PGBD1: variants seen among roughly 807,000 people sequenced by gnomAD.
The protein encoded by PGBD1 is piggyBac transposable element derived 1, also known as piggyBac transposable element-derived protein 1.
Under a neutral mutation model 34.7 loss-of-function variants are expected in PGBD1, and 25 were observed. That is an observed-to-expected ratio of 0.72 (90% CI 0.52 to 1.00). The LOEUF (loss-of-function observed/expected upper bound fraction) is 1.00. PGBD1 is among the 50% of genes least tolerant of loss of function. PGBD1 has a pLI of 0.00. For synonymous variants in PGBD1, 292 were observed against 335.7 expected, an observed-to-expected ratio of 0.87 and a Z score of 1.42; for missense variants, 830 against 959.4, an observed-to-expected ratio of 0.87 and a Z score of 1.78.
At chr6:28,296,368 ACAATC>A (rs1279358353) in intron 4 of PGBD1, among the ~76,000 whole-genome samples, 1 of 152,196 alleles carries the variant, frequency 6.6e-6, no homozygotes, top group African/African-American at 2.4e-5. Context: ...AGTGTGTAGA[ACAATC>A]CAAGTGAGTC....
Position 28,302,069 on chromosome 6 carries a change from G to A in PGBD1, c.2215G>A (p.Val739Ile), listed in dbSNP as rs759709278. 5 of 1,614,116 alleles carry A rather than the reference G, an allele frequency of 3.1e-6. No homozygotes were observed. Among genetic ancestry groups the A allele is most frequent in the South Asian group, 1.1e-5 (1 of 91,082 alleles). Residue 739 changes from valine to isoleucine, a missense_variant, in exon 7 of 7, where the codon GTA becomes ATA. Transcript: ENST00000682144. ...AGTGTATGATGAATGCAAGGAAGGT[G>A]TAGCTAAAATGGATCAAATTATTTC... is the stretch of plus-strand genomic sequence containing the variant. ...VKVYDECKEG[V>I]AKMDQIISKY...
chr6:28,291,550 C>G (rs371709918), intron 4 of PGBD1, among the ~76,000 whole-genome samples: 2 of 120,620 alleles, frequency 1.7e-5, no homozygotes, highest in Admixed American at 1.6e-4. Context: ...TCAAATTCTT[C>G]AAAAAAAAAA....
chr6:28,298,498 T>C lies in PGBD1; in HGVS notation c.869+507T>C, dbSNP rs372778378. Among the ~76,000 whole-genome samples, 297 of 152,206 alleles carry C rather than the reference T, an allele frequency of 2.0e-3. 1 individual carries two copies. The highest frequency in any genetic ancestry group is 5.4e-3 in the African/African-American group (224 of 41,544). On this transcript the variant is annotated intron_variant, in intron 6 of 6. Transcript: ENST00000682144. Reference sequence around the variant, plus strand: ...TTGGAGCATTTTGGATTTTGGATCTTTGGTTAGGGATGCCCAACTGGTATA... The same window carrying C: ...TTGGAGCATTTTGGATTTTGGATCTCTGGTTAGGGATGCCCAACTGGTATA...
chr6:28,294,663 A>G (rs1207800568), intron 4 of PGBD1, among the ~76,000 whole-genome samples: 1 of 152,250 alleles, frequency 6.6e-6, no homozygotes, highest in African/African-American at 2.4e-5. Flanking sequence ...CAAAGCCTGG[A>G]TGATAGCACA....
In PGBD1 at chr6:28,300,363, G is replaced by A. The variant is rs139212408; in HGVS notation, c.870-361G>A. ...AGAGCTAAATAGGCTTGTACTGGCAGAGGAGGAGTGTAGCAGATGTCCCTC... is the reference window on the plus strand; with the variant it reads ...AGAGCTAAATAGGCTTGTACTGGCAAAGGAGGAGTGTAGCAGATGTCCCTC... On this transcript the variant is annotated intron_variant, in intron 6 of 6. Coordinates refer to ENST00000682144, the MANE Select transcript of PGBD1 (RefSeq NM_032507.4). The surrounding 1 kb of genome is among the most constrained non-coding windows in gnomAD (Gnocchi z 4.0). Among the ~76,000 whole-genome samples the A allele has an allele frequency of 6.6e-6, 1 of 152,334 alleles. No homozygotes were observed. Among genetic ancestry groups the A allele is most frequent in the African/African-American group, 2.4e-5 (1 of 41,574 alleles).
Position 28,300,707 on chromosome 6 carries a change from C to CTTTTT in PGBD1, c.870-14_870-10dup. 6.4e-7 allele frequency: 1 copy of CTTTTT among 1,570,124 alleles called. No homozygotes were observed. The highest frequency in any genetic ancestry group is 1.9e-5 in the Admixed American group (1 of 51,898). On this transcript the variant is annotated splice_polypyrimidine_tract_variant and intron_variant, in intron 6 of 6. Transcript: ENST00000682144. The surrounding 1 kb of genome is among the most constrained non-coding windows in gnomAD (Gnocchi z 4.0). ...TGATTGAGGATTTTTATAACATGTT[C>CTTTTT]TTTTTTTCTTTCCCAGAGAGTGTGC...
At chr6:28,286,765 C>T (rs1346174174) in intron 3 of PGBD1, among the ~76,000 whole-genome samples, 1 of 152,050 alleles carries the variant, frequency 6.6e-6, no homozygotes, top group African/African-American at 2.4e-5. Context: ...TCCTTTATCA[C>T]CAGCTTCTTC....
chr6:28,297,242 A>G (rs1163499369), intron 5 of PGBD1, among the ~76,000 whole-genome samples: 1 of 152,110 alleles, frequency 6.6e-6, no homozygotes, highest in East Asian at 1.9e-4. Context: ...TTCCCTGTCA[A>G]GGATTCCATA....
intron 3 of PGBD1, among the ~76,000 whole-genome samples, chr6:28,286,776 C>G (rs1276150884): frequency 2.0e-5 from 3 of 152,006 alleles, no homozygotes; most frequent in African/African-American, 7.3e-5. Context: ...CAGCTTCTTC[C>G]TCCCCTTTAT....
intron 2 of PGBD1, among the ~76,000 whole-genome samples, chr6:28,284,930 A>T (rs955820871): frequency 2.0e-5 from 3 of 152,172 alleles, no homozygotes; most frequent in Non-Finnish European, 2.9e-5. Flanking sequence ...CTTAGTCCTT[A>T]TTCATATTTT....
chr6:28,300,000 C>CAAAAA (rs776417092), intron 6 of PGBD1, among the ~76,000 whole-genome samples: 2 of 85,044 alleles, frequency 2.4e-5, no homozygotes. Context: ...GACTCTGTCT[C>CAAAAA]AAAAAAAAAA....
rs781057042 is a variant in PGBD1 at position 28,302,308 on chromosome 6, A to C, written c.*24A>C. 6.3e-7 allele frequency: 1 copy of C among 1,582,956 alleles called. No individual in the cohort carries two copies. Among genetic ancestry groups the C allele is most frequent in the Non-Finnish European group, 8.6e-7 (1 of 1,163,162 alleles). On this transcript the variant is annotated 3_prime_UTR_variant, in exon 7 of 7. Transcript: ENST00000682144. ...AGGGTACATAAAATGGACATAGTGC[A>C]GACATTAATAAGACATAGAAAAATA...
chr6:28,298,577 C>T (rs1448804279), intron 6 of PGBD1, among the ~76,000 whole-genome samples: 2 of 151,906 alleles, frequency 1.3e-5, no homozygotes, highest in South Asian at 2.1e-4. Flanking sequence ...TCTTCTGACC[C>T]CAAGCATTTC....
rs1762655739 is a variant in PGBD1, at chr6:28,296,873, C to T, written c.700C>T (p.His234Tyr). The change falls in exon 5 of 7, where the codon CAT becomes TAT. Residue 234 changes from histidine (H) to tyrosine (Y), a missense_variant. This residue lies in a region of PGBD1 where 457 missense variants were observed against 515.4 expected (regional missense o/e 0.89). Coordinates refer to ENST00000682144, the MANE Select transcript of PGBD1 (RefSeq NM_032507.4). ...AQAVAAEKWS[H>Y]LSLTRRNLCG... Reference sequence around the variant, plus strand: ...GGCCGTTGCTGCAGAGAAGTGGTCACATCTGAGTCTGACTCGGAGGAACCT... The same window carrying T: ...GGCCGTTGCTGCAGAGAAGTGGTCATATCTGAGTCTGACTCGGAGGAACCT... 6.2e-7 allele frequency: 1 copy of T among 1,614,174 alleles called. No homozygotes were observed. The highest frequency in any genetic ancestry group is 8.5e-7 in the Non-Finnish European group (1 of 1,179,996).
intron 4 of PGBD1, among the ~76,000 whole-genome samples, chr6:28,294,661 G>A (rs1762573921): frequency 6.6e-6 from 1 of 152,146 alleles, no homozygotes; most frequent in Non-Finnish European, 1.5e-5. Context: ...AACAAAGCCT[G>A]GATGATAGCA....
rs1267628765 is a variant in PGBD1 at position 28,300,015 on chromosome 6, AC to A, written c.870-708del. On this transcript the variant is annotated intron_variant, in intron 6 of 6. Transcript: ENST00000682144. The surrounding 1 kb of genome is among the most constrained non-coding windows in gnomAD (Gnocchi z 4.0). The stretch of plus-strand genomic sequence containing the variant: ...GACTCTGTCTCAAAAAAAAAAAAAA[AC>A]AAAACAAAACTTTTCATCTTTGTAA... Among the ~76,000 whole-genome samples the A allele has an allele frequency of 4.0e-5, 6 of 151,664 alleles. No homozygotes were observed. Among genetic ancestry groups the A allele is most frequent in the African/African-American group, 1.2e-4 (5 of 41,338 alleles).
intron 4 of PGBD1, among the ~76,000 whole-genome samples, chr6:28,291,666 C>A (rs1199899942): frequency 6.6e-6 from 1 of 151,846 alleles, no homozygotes; most frequent in Non-Finnish European, 1.5e-5. Context: ...AAACTACAGA[C>A]CAACATCACT....
intron 1 of PGBD1, among the ~76,000 whole-genome samples, chr6:28,283,371 C>T (rs575068224): frequency 7.2e-5 from 11 of 152,346 alleles, no homozygotes; most frequent in African/African-American, 2.6e-4. Context: ...ACTTTGGAAA[C>T]ATTCTGTTAC....
At chr6:28,294,124 T>TA (rs1762554442) in intron 4 of PGBD1, among the ~76,000 whole-genome samples, 1 of 152,166 alleles carries the variant, frequency 6.6e-6, no homozygotes, top group Non-Finnish European at 1.5e-5. Context: ...TTTTTGCTGA[T>TA]ATGGAGAAAG....
Sources: allele counts gnomAD v4.1 joint callset (sites outside exome capture counted in the v4.1 genomes callset), GRCh38; gene constraint gnomAD v4.1.1; regional missense constraint gnomAD v4.1.1; non-coding constraint Gnocchi (gnomAD v3.1); transcripts MANE v1.5; gene names NCBI Gene and HGNC (gene_info 2026-07-23, HGNC 2026-07-21).